CA2: variants seen among roughly 807,000 people sequenced by gnomAD.
The protein encoded by CA2 is carbonic anhydrase 2, also known as carbonate dehydratase II.
In CA2, 23 loss-of-function variants were observed where a neutral mutation model predicts 27.8. The ratio of observed to expected loss-of-function variants is 0.83; its 90% confidence interval spans 0.59 to 1.17. The LOEUF (loss-of-function observed/expected upper bound fraction) is 1.17. CA2 is among the 50% of genes most tolerant of loss of function. CA2 has a pLI of 0.00. For missense variants in CA2, 300 were observed against 314.7 expected (o/e 0.95, Z 0.35); for synonymous variants, 99 against 114.9 (o/e 0.86, Z 0.88).
In CA2 at chr8:85,480,670, G is replaced by T. The variant is rs1453620373; in HGVS notation, c.664G>T (p.Val222Leu). The change falls in exon 7 of 7, where the codon GTG becomes TTG. Residue 222 changes from valine (V) to leucine (L), a missense_variant and splice_region_variant. Val to Leu is a conservative substitution (Grantham distance 32). Around this residue, in one of 3 missense-constraint regions of CA2, gnomAD observed 173 missense variants for 161.0 expected, o/e 1.07. Coordinates refer to ENST00000285379, the MANE Select transcript of CA2 (RefSeq NM_000067.3). ...KEPISVSSEQ[V>L]LKFRKLNFNG... ...ATCAATGTTTTATTGTGTCTTTTAGGTGTTGAAATTCCGTAAACTTAACTT... is the reference window on the plus strand; with the variant it reads ...ATCAATGTTTTATTGTGTCTTTTAGTTGTTGAAATTCCGTAAACTTAACTT... 1.2e-6 allele frequency: 2 copies of T among 1,612,068 alleles called. No homozygotes were observed. The highest frequency in any genetic ancestry group is 1.7e-6 in the Non-Finnish European group (2 of 1,178,246).
intron 2 of CA2, among the ~76,000 whole-genome samples, chr8:85,472,883 C>T (rs1296737357): frequency 4.6e-5 from 7 of 151,500 alleles, no homozygotes; most frequent in Non-Finnish European, 2.9e-5. Flanking sequence ...CCCAGCTACT[C>T]GGGAGGCTGA....
chr8:85,473,569 A>G, intron 2 of CA2, 124 bp from the exon 3 acceptor site: 1 of 703,794 alleles, frequency 1.4e-6, no homozygotes, highest in Non-Finnish European at 2.6e-6. Flanking sequence ...TGTAAAACAG[A>G]ATTAAGATTG....
intron 4 of CA2, 113 bp downstream of exon 4, chr8:85,474,529 C>G: frequency 1.2e-6 from 1 of 858,980 alleles, no homozygotes; most frequent in Non-Finnish European, 2.0e-6. Flanking sequence ...TGCCTTTGTC[C>G]CTGAAATGTT....
rs377003627 is a variant in CA2, at chr8:85,477,153, C to G, written c.541C>G (p.Arg181Gly). ...KSADFTNFDP[R>G]GLLPESLDYW... ...TGCTGACTTCACTAACTTCGATCCT[C>G]GTGGCCTCCTTCCTGAATCCTTGGA... The change falls in exon 6 of 7, where the codon CGT becomes GGT. Residue 181 changes from arginine (R) to glycine (G), a missense_variant. By Grantham distance (125) the Arg-to-Gly change is moderately radical. Around this residue, in one of 3 missense-constraint regions of CA2, gnomAD observed 173 missense variants for 161.0 expected, o/e 1.07. Transcript: ENST00000285379. 1 of 1,614,094 alleles carries G rather than the reference C, an allele frequency of 6.2e-7. No individual in the cohort carries two copies. Among genetic ancestry groups the G allele is most frequent in the Non-Finnish European group, 8.5e-7 (1 of 1,179,986 alleles).
intron 5 of CA2, 24 bp downstream of exon 5, chr8:85,475,884 T>A (rs781683127): frequency 6.3e-7 from 1 of 1,598,900 alleles, no homozygotes; most frequent in Non-Finnish European, 8.6e-7. Context: ...TTCTGCCACC[T>A]CCTTAGGGTA....
chr8:85,480,445 G>GTGTGT (rs1554548325), intron 6 of CA2, among the ~76,000 whole-genome samples: 16 of 144,530 alleles, frequency 1.1e-4, no homozygotes, highest in South Asian at 4.4e-4. Context: ...GTGTGTGTGT[G>GTGTGT]TTTTTTTTTT....
In CA2 at chr8:85,475,050, G is replaced by A. The variant is rs969557232; in HGVS notation, c.444+634G>A. ...GGGCCAGGTGTGGTGGCTTAAGCCT[G>A]TAATCCCAGCACCTTGGGACACCAA... On this transcript the variant is annotated intron_variant, in intron 4 of 6. Transcript: ENST00000285379. 2.0e-5 allele frequency among the ~76,000 whole-genome samples: 3 copies of A among 152,226 alleles called. No individual in the cohort carries two copies. In the East Asian group the frequency reaches 5.8e-4, roughly 29 times the overall value.
chr8:85,469,205 T>G (rs1264348318), intron 2 of CA2, among the ~76,000 whole-genome samples: 2 of 152,202 alleles, frequency 1.3e-5, no homozygotes, highest in Non-Finnish European at 1.5e-5. Context: ...GGTGGTAACA[T>G]TTTTAGATTT....
chr8:85,471,441 A>G (rs1339987195), intron 2 of CA2, among the ~76,000 whole-genome samples: 1 of 152,020 alleles, frequency 6.6e-6, no homozygotes, highest in East Asian at 1.9e-4. Flanking sequence ...AGGTTTGCAC[A>G]CACTCTTGCC....
At position 85,481,042 on chromosome 8, in the gene CA2, A is replaced by G; in HGVS notation, c.*253A>G. ...TGTAACACAGAATATAGGATAAGAA[A>G]TAAGAATAAAGTACCTTGACTTTGT... On this transcript the variant is annotated 3_prime_UTR_variant, in exon 7 of 7. Coordinates refer to ENST00000285379, the MANE Select transcript of CA2 (RefSeq NM_000067.3). The G allele has an allele frequency of 2.2e-6, 1 of 457,952 alleles. No homozygotes were observed. The highest frequency in any genetic ancestry group is 4.0e-6 in the Non-Finnish European group (1 of 248,720). The allele number at this position is 457,952 out of a possible 1,614,324, so 28.4% of individuals were successfully genotyped here.
chr8:85,465,265 C>T lies in CA2; in HGVS notation c.35-7C>T, dbSNP rs371766356. The T allele has an allele frequency of 6.2e-6, 10 of 1,611,824 alleles. No individual in the cohort carries two copies. Among genetic ancestry groups the T allele is most frequent in the Non-Finnish European group, 8.5e-6 (10 of 1,177,918 alleles). On this transcript the variant is annotated splice_polypyrimidine_tract_variant and splice_region_variant and intron_variant, in intron 1 of 6. Transcript: ENST00000285379. Reference sequence around the variant, plus strand: ...AATGGGGGATTCACATGTCTTCTTTCCCCCAGGACCTGAGCACTGGCATAA... The same window carrying T: ...AATGGGGGATTCACATGTCTTCTTTTCCCCAGGACCTGAGCACTGGCATAA...
intron 4 of CA2, 32 bp downstream of exon 4, chr8:85,474,448 T>A: frequency 6.9e-7 from 1 of 1,440,190 alleles, no homozygotes; most frequent in Non-Finnish European, 9.8e-7. Context: ...TTTTTTTCCC[T>A]ATTTTTAATA....
At chr8:85,477,063 C>T (rs1406245310) in intron 5 of CA2, 57 bp from the exon 6 acceptor site, 2 of 1,581,616 alleles carry the variant, frequency 1.3e-6, no homozygotes, top group Non-Finnish European at 1.7e-6. Context: ...TGCTCTCCTA[C>T]CTTCCTCCTA....
chr8:85,473,682 T>C lies in CA2; in HGVS notation c.233-11T>C. On this transcript the variant is annotated splice_polypyrimidine_tract_variant and intron_variant, in intron 2 of 6. Coordinates refer to ENST00000285379, the MANE Select transcript of CA2 (RefSeq NM_000067.3). ...ATATATGTTACATATATATATATGTTTTAATTTTAGTGCTCAAGGGAGGAC... is the reference window on the plus strand; with the variant it reads ...ATATATGTTACATATATATATATGTCTTAATTTTAGTGCTCAAGGGAGGAC... The C allele has an allele frequency of 7.5e-7, 1 of 1,338,746 alleles. No individual in the cohort carries two copies. Among genetic ancestry groups the C allele is most frequent in the Non-Finnish European group, 1.1e-6 (1 of 929,498 alleles). 82.9% of individuals were successfully genotyped at this position (1,338,746 alleles called of 1,614,324 possible).
rs1563436942 is a variant in CA2, at chr8:85,480,914, T to C, written c.*125T>C. The C allele has an allele frequency of 1.1e-6, 1 of 926,512 alleles. No homozygotes were observed. The highest frequency in any genetic ancestry group is 2.6e-5 in the East Asian group (1 of 38,228). 57.4% of individuals were successfully genotyped at this position (926,512 alleles called of 1,614,324 possible). A position where few individuals can be genotyped will look rare whatever the true frequency, so the allele number is the denominator to read the frequency against. On this transcript the variant is annotated 3_prime_UTR_variant, in exon 7 of 7. Coordinates refer to ENST00000285379, the MANE Select transcript of CA2 (RefSeq NM_000067.3). ...TCTAGTTTTCTAGACCCTTCATCTC[T>C]TACTTGATAGACTTACTAATAAAAT...
intron 2 of CA2, among the ~76,000 whole-genome samples, chr8:85,466,886 A>G (rs1811639400): frequency 6.6e-6 from 1 of 152,124 alleles, no homozygotes; most frequent in Non-Finnish European, 1.5e-5. Context: ...AGAATACTGT[A>G]TATTTATAAC....
chr8:85,480,610 A>C, intron 6 of CA2, 60 bp from the exon 7 acceptor site: 8 of 1,534,290 alleles, frequency 5.2e-6, no homozygotes, highest in Non-Finnish European at 4.5e-6. Flanking sequence ...ATATAACACA[A>C]GTATATAACT....
intron 2 of CA2, among the ~76,000 whole-genome samples, chr8:85,468,836 CT>C (rs33943397): frequency 0.63 from 91,732 of 146,724 alleles, 28,844 homozygotes; most frequent in African/African-American, 0.71. Context: ...GACTTTCTTT[CT>C]TTTTTTTTTT....
intron 1 of CA2, 30 bp from the exon 2 acceptor site, chr8:85,465,242 T>TGG: frequency 6.4e-7 from 1 of 1,569,800 alleles, no homozygotes. Context: ...TTCCCCACAA[T>TGG]GGGGGATTCA....
Sources: gnomAD v4.1 joint callset for allele counts (sites outside exome capture counted in the v4.1 genomes callset) on GRCh38, gnomAD v4.1.1 for gene constraint, gnomAD v4.1.1 regional missense constraint, MANE v1.5 for transcripts, NCBI Gene and HGNC (gene_info 2026-07-23, HGNC 2026-07-21) for gene names.